Variants in PRELID2 observed in about 807,000 individuals in gnomAD.
PRELID2 encodes PRELI domain containing 2, also known as PRELI domain-containing protein 2.
A neutral mutation model predicts 28.4 loss-of-function variants in PRELID2; 25 were observed. That is an observed-to-expected ratio of 0.88 (90% confidence interval 0.64 to 1.23). The LOEUF is 1.23. PRELID2 is among the 50% of genes most tolerant of loss of function. The pLI is 0.00. For missense variants in PRELID2, 201 were observed against 214.4 expected, an observed-to-expected ratio of 0.94 and a Z score of 0.39; for synonymous variants, 76 against 71.6, an observed-to-expected ratio of 1.06 and a Z score of -0.31.
At chr5:145,738,628 A>G (rs930722061) in intron 1 of PRELID2, among the ~76,000 whole-genome samples, 11 of 152,178 alleles carry the variant, frequency 7.2e-5, no homozygotes, top group African/African-American at 2.2e-4. Context: ...AAATTACTCA[A>G]TCTAAACAAG....
intron 1 of PRELID2, among the ~76,000 whole-genome samples, chr5:145,546,449 C>T (rs1029546700): frequency 1.3e-5 from 2 of 152,060 alleles, no homozygotes; most frequent in African/African-American, 2.4e-5. Context: ...ATACATATGC[C>T]CCCTTCCAAG....
At chr5:145,388,826 C>T in the PRELID2 span, among the ~76,000 whole-genome samples, 8 of 152,148 alleles carry the variant, frequency 5.3e-5, no homozygotes, top group Non-Finnish European at 1.0e-4. Flanking sequence ...TTTAAAGTAA[C>T]ATTTCTCCCA....
At chr5:145,724,605 ATATATATATAT>A (rs1756084055) in intron 1 of PRELID2, among the ~76,000 whole-genome samples, 14 of 82,624 alleles carry the variant, frequency 1.7e-4, no homozygotes, top group African/African-American at 4.4e-4. Flanking sequence ...AAATAAATAT[ATATATATATAT>A]ATATATATAT....
chr5:145,666,592 T>C (rs930123173), intron 1 of PRELID2, among the ~76,000 whole-genome samples: 2 of 152,124 alleles, frequency 1.3e-5, no homozygotes, highest in African/African-American at 4.8e-5. Context: ...TAGTACCCTG[T>C]GGCACAGCGC....
the PRELID2 span, among the ~76,000 whole-genome samples, chr5:145,334,362 C>G: frequency 1.3e-5 from 2 of 152,182 alleles, no homozygotes; most frequent in Non-Finnish European, 1.5e-5. Context: ...AATTCTCCCC[C>G]TCCAAAAACT....
chr5:145,457,525 C>T, the PRELID2 span, among the ~76,000 whole-genome samples: 6 of 152,094 alleles, frequency 3.9e-5, no homozygotes, highest in Non-Finnish European at 8.8e-5. Context: ...TATTCAGCCT[C>T]GCGGTGAGGA....
At chr5:145,308,106 T>G in the PRELID2 span, among the ~76,000 whole-genome samples, 1 of 152,158 alleles carries the variant, frequency 6.6e-6, no homozygotes, top group Non-Finnish European at 1.5e-5. Flanking sequence ...AGCAAGAATG[T>G]ATGAGCCATT....
At position 145,549,287 on chromosome 5, in the gene PRELID2, T is replaced by A. The variant is rs886130273; in HGVS notation, n.71-75972A>T. ...AATATCCCTACCTCTTAGGATAGTT[T>A]CTGGGACAAAGAGGGTATTTAAATT... On this transcript the variant is annotated intron_variant and non_coding_transcript_variant, in intron 1 of 2. Transcript: ENST00000510259. 6.6e-5 allele frequency among the ~76,000 whole-genome samples: 10 copies of A among 152,328 alleles called. No individual in the cohort carries two copies. In the East Asian group the frequency reaches 1.9e-3, roughly 29 times the overall value.
chr5:145,561,593 G>A (rs1243409315), intron 1 of PRELID2, among the ~76,000 whole-genome samples: 1 of 152,200 alleles, frequency 6.6e-6, no homozygotes, highest in Non-Finnish European at 1.5e-5. Flanking sequence ...GCATGTCCTT[G>A]ACAGAGGACA....
chr5:145,745,370 GATATTCC>G (rs1205954142), intron 1 of PRELID2, among the ~76,000 whole-genome samples: 1 of 152,072 alleles, frequency 6.6e-6, no homozygotes, highest in African/African-American at 2.4e-5. Context: ...ACACCACTAA[GATATTCC>G]ATAGCAGATC....
At chr5:145,234,422 T>TC in the PRELID2 span, among the ~76,000 whole-genome samples, 1 of 152,146 alleles carries the variant, frequency 6.6e-6, no homozygotes, top group Non-Finnish European at 1.5e-5. Flanking sequence ...GTAGAGTAAA[T>TC]ACTTAATACC....
intron 1 of PRELID2, among the ~76,000 whole-genome samples, chr5:145,714,893 T>C (rs1283997488): frequency 3.3e-5 from 5 of 152,156 alleles, no homozygotes; most frequent in Non-Finnish European, 7.4e-5. Flanking sequence ...CCGCTACTTA[T>C]TCCTAACCAC....
intron 4 of PRELID2, among the ~76,000 whole-genome samples, chr5:145,813,187 T>C (rs1010040569): frequency 6.6e-6 from 1 of 152,152 alleles, no homozygotes; most frequent in Non-Finnish European, 1.5e-5. Context: ...CCTGACAGCT[T>C]TTTTATTCCC....
chr5:145,494,952 T>C (rs1213690317), intron 1 of PRELID2, among the ~76,000 whole-genome samples: 1 of 152,196 alleles, frequency 6.6e-6, no homozygotes, highest in Non-Finnish European at 1.5e-5. Flanking sequence ...ATATGTTAAG[T>C]GTGCCAATGA....
chr5:145,827,923 A>G (rs1755302468), intron 1 of PRELID2, among the ~76,000 whole-genome samples: 1 of 152,204 alleles, frequency 6.6e-6, no homozygotes, highest in South Asian at 2.1e-4. Context: ...AGTTAATAGC[A>G]TTGTATCAGT....
At chr5:145,399,586 T>C in the PRELID2 span, among the ~76,000 whole-genome samples, 1 of 152,086 alleles carries the variant, frequency 6.6e-6, no homozygotes, top group Non-Finnish European at 1.5e-5. Flanking sequence ...TATATAGATA[T>C]AGAATTCTAT....
the PRELID2 span, among the ~76,000 whole-genome samples, chr5:145,420,283 C>T: frequency 2.6e-5 from 4 of 152,032 alleles, no homozygotes; most frequent in Non-Finnish European, 4.4e-5. Flanking sequence ...TCATTGGTAG[C>T]TTGATGGGGA....
the PRELID2 span, among the ~76,000 whole-genome samples, chr5:145,428,176 C>T: frequency 1.3e-5 from 2 of 152,098 alleles, no homozygotes; most frequent in Admixed American, 1.3e-4. Flanking sequence ...TCAAACTGGT[C>T]TCAAACTCTT....
At chr5:145,616,749 T>C (rs1037433987) in intron 1 of PRELID2, among the ~76,000 whole-genome samples, 8 of 152,100 alleles carry the variant, frequency 5.3e-5, no homozygotes, top group African/African-American at 1.9e-4. Context: ...AAAATTACAA[T>C]GAAGTTTCAG....
Sources: gnomAD v4.1 joint callset for allele counts (sites outside exome capture counted in the v4.1 genomes callset) on GRCh38, gnomAD v4.1.1 for gene constraint, MANE v1.5 for transcripts, NCBI Gene and HGNC (gene_info 2026-07-23, HGNC 2026-07-21) for gene names.